SNURF: variants seen among roughly 807,000 people sequenced by gnomAD.
SNURF encodes SNRPN upstream open reading frame.
In SNURF, 6 loss-of-function variants were observed where a neutral mutation model predicts 11.6. The observed-to-expected ratio is 0.52, with a 90% confidence interval of 0.28 to 1.02. The LOEUF (loss-of-function observed/expected upper bound fraction) is 1.02. Among genes scored for constraint, SNURF ranks in the 50% least tolerant of loss-of-function variants. SNURF has a pLI of 0.09. For missense variants in SNURF, 84 were observed against 88.4 expected (o/e 0.95, Z 0.20); for synonymous variants, 29 against 31.6 (o/e 0.92, Z 0.27).
downstream of SNURF, among the ~76,000 whole-genome samples, chr15:24,971,437 T>G (rs943830884): frequency 6.6e-6 from 1 of 152,196 alleles, no homozygotes; most frequent in Non-Finnish European, 1.5e-5. Context: ...AAATTCCAAA[T>G]CTGTCTCTTA....
intron 1 of SNURF, among the ~76,000 whole-genome samples, chr15:24,956,270 G>A (rs1205441693): frequency 6.6e-6 from 1 of 151,586 alleles, no homozygotes. Flanking sequence ...AATAACCTGG[G>A]GGTCTGTGTT....
chr15:24,966,429 G>A (rs896073257), intron 2 of SNURF, among the ~76,000 whole-genome samples: 3 of 152,150 alleles, frequency 2.0e-5, no homozygotes, highest in East Asian at 3.9e-4. Context: ...TCCAGATGTC[G>A]ATGATTTTTG....
downstream of SNURF, chr15:24,978,678 C>CA (rs1596357230): frequency 1.8e-6 from 1 of 564,534 alleles, no homozygotes; most frequent in East Asian, 2.9e-5. Flanking sequence ...TGATTCAAAT[C>CA]ATATTCTCTT....
At chr15:24,962,056 T>A in intron 1 of SNURF, 58 bp from the exon 2 acceptor site, 2 of 1,339,470 alleles carry the variant, frequency 1.5e-6, no homozygotes, top group Non-Finnish European at 2.2e-6. Context: ...CCTTGACAAA[T>A]AGTTATTTCA....
At chr15:24,976,952 C>T in exon 6 of SNURF, 1 of 1,606,496 alleles carries the variant, frequency 6.2e-7, no homozygotes, top group Non-Finnish European at 8.5e-7. Context: ...TAGAGGAGTA[C>T]CAGCTGGTGT....
rs201526420 is a variant in SNURF, at chr15:24,974,503, G to T, written c.*46-855G>T. Reference sequence around the variant, plus strand: ...AGGGTTGAAATGTGCTGTAAGGGCCGAAAGAAATAGTTTGCCAGCATGTGC... The same window carrying T: ...AGGGTTGAAATGTGCTGTAAGGGCCTAAAGAAATAGTTTGCCAGCATGTGC... On this transcript the variant is annotated intron_variant and NMD_transcript_variant, in intron 3 of 6. Coordinates refer to the SNURF transcript ENST00000580062. 3.7e-5 allele frequency: 59 copies of T among 1,591,680 alleles called. 1 individual carries two copies. In the Middle Eastern group the frequency reaches 6.6e-4, roughly 18 times the overall value.
downstream of SNURF, among the ~76,000 whole-genome samples, chr15:24,972,734 G>C (rs1267490009): frequency 1.3e-5 from 2 of 151,962 alleles, no homozygotes; most frequent in Non-Finnish European, 2.9e-5. Context: ...ATATTTAATA[G>C]CATTTTATAA....
At chr15:24,967,858 A>G in intron 2 of SNURF, 74 bp from the exon 3 acceptor site, 2 of 1,068,294 alleles carry the variant, frequency 1.9e-6, no homozygotes, top group South Asian at 1.3e-5. Context: ...AAGGGTACCT[A>G]GTTTTCTTTC....
At chr15:24,962,156 A>T (rs1257439066) in exon 2 of SNURF, 1 of 1,614,072 alleles carries the variant, frequency 6.2e-7, no homozygotes, top group African/African-American at 1.3e-5. Flanking sequence ...AGCACGTACC[A>T]GAGGTGGAAG....
intron 3 of SNURF, chr15:24,975,297 A>G: frequency 2.2e-6 from 3 of 1,357,194 alleles, no homozygotes; most frequent in South Asian, 2.5e-5. Flanking sequence ...AAGAAACAGG[A>G]GAAGATTAGA....
intron 2 of SNURF, among the ~76,000 whole-genome samples, chr15:24,964,708 A>G (rs2075364705): frequency 6.6e-6 from 1 of 151,520 alleles, no homozygotes; most frequent in Non-Finnish European, 1.5e-5. Flanking sequence ...GAGGTTTAGG[A>G]CTCTTAGGTT....
intron 2 of SNURF, 87 bp from the exon 3 acceptor site, chr15:24,967,845 T>C (rs2075883952): frequency 9.4e-7 from 1 of 1,060,994 alleles, no homozygotes; most frequent in Admixed American, 1.8e-5. Context: ...TCTTCTTAAA[T>C]GTAAGGGTAC....
At chr15:24,962,022 T>C (rs2074916539) in intron 1 of SNURF, 92 bp from the exon 2 acceptor site, 1 of 1,051,342 alleles carries the variant, frequency 9.5e-7, no homozygotes, top group African/African-American at 1.6e-5. Context: ...AAATCCATTA[T>C]ATTAAATGTA....
At chr15:24,976,563 C>T in intron 5 of SNURF, 1 of 686,586 alleles carries the variant, frequency 1.5e-6, no homozygotes, top group Non-Finnish European at 2.5e-6. Context: ...TGTTGGTTGC[C>T]TATGCTATTC....
intron 2 of SNURF, among the ~76,000 whole-genome samples, chr15:24,964,031 CAAAAAG>C (rs2075257422): frequency 6.7e-6 from 1 of 149,394 alleles, no homozygotes; most frequent in South Asian, 2.1e-4. Context: ...GATCTAGTCT[CAAAAAG>C]AAAAAAAAAG....
exon 3 of SNURF, chr15:24,968,292 C>A: frequency 5.1e-6 from 2 of 392,952 alleles, no homozygotes; most frequent in Non-Finnish European, 9.3e-6. Flanking sequence ...TATTGTAGCG[C>A]ATGCTTTTCA....
chr15:24,975,241 A>C (rs1453667643), intron 3 of SNURF: 1 of 753,918 alleles, frequency 1.3e-6, no homozygotes, highest in Non-Finnish European at 2.2e-6. Flanking sequence ...AGGAGAGAAT[A>C]TTTGTTTAGT....
At chr15:24,966,361 C>A (rs937632698) in intron 2 of SNURF, among the ~76,000 whole-genome samples, 2 of 152,156 alleles carry the variant, frequency 1.3e-5, no homozygotes, top group African/African-American at 4.8e-5. Flanking sequence ...CTTCCCTGTC[C>A]TCAGGATGCA....
chr15:24,961,662 T>C (rs940175950), intron 1 of SNURF, among the ~76,000 whole-genome samples: 1 of 152,200 alleles, frequency 6.6e-6, no homozygotes. Flanking sequence ...AAAGTAGATA[T>C]TTTATAATTT....
Sources: allele counts gnomAD v4.1 joint callset (sites outside exome capture counted in the v4.1 genomes callset), GRCh38; gene constraint gnomAD v4.1.1; transcripts MANE v1.5; gene names NCBI Gene and HGNC (gene_info 2026-07-23, HGNC 2026-07-21).